TMPRSS11E: variants seen among roughly 807,000 people sequenced by gnomAD.
TMPRSS11E encodes transmembrane protease serine 11E.
TMPRSS11E carries 38 observed loss-of-function variants against 48.1 expected under a neutral mutation model. That is an observed-to-expected ratio of 0.79 (90% confidence interval 0.61 to 1.04). The LOEUF (loss-of-function observed/expected upper bound fraction) is 1.04, where lower values mean the gene tolerates loss of function less well. Ranked by LOEUF, TMPRSS11E falls within the 50% of genes least tolerant of loss-of-function variation. TMPRSS11E has a pLI of 0.00. For synonymous variants in TMPRSS11E, 158 were observed against 171.9 expected (o/e 0.92, Z 0.63); for missense variants, 530 against 510.8 (o/e 1.04, Z -0.36).
intron 6 of TMPRSS11E, 81 bp downstream of exon 6, chr4:68,474,842 T>C: frequency 2.5e-6 from 3 of 1,177,560 alleles, no homozygotes; most frequent in African/African-American, 3.1e-5. Flanking sequence ...TTACTTTGTG[T>C]TGATATCATA....
chr4:68,450,485 T>C (rs1190345152), intron 1 of TMPRSS11E, among the ~76,000 whole-genome samples: 1 of 151,878 alleles, frequency 6.6e-6, no homozygotes, highest in Non-Finnish European at 1.5e-5. Flanking sequence ...CTACCATGTG[T>C]AGGAAGCTAT....
chr4:68,478,834 T>G lies in TMPRSS11E; in HGVS notation c.968-15T>G. Reference sequence around the variant, plus strand: ...TATGTATGTCTACAAATACAAAGACTTTTTTTTCTTTTAGGTTACAGTCAA... The same window carrying G: ...TATGTATGTCTACAAATACAAAGACGTTTTTTTCTTTTAGGTTACAGTCAA... On this transcript the variant is annotated splice_polypyrimidine_tract_variant and intron_variant, in intron 8 of 9. Transcript: ENST00000305363. 6.2e-7 allele frequency: 1 copy of G among 1,607,782 alleles called. No homozygotes were observed. The highest frequency in any genetic ancestry group is 8.5e-7 in the Non-Finnish European group (1 of 1,177,214).
chr4:68,465,882 A>T (rs1259543288), intron 2 of TMPRSS11E, among the ~76,000 whole-genome samples: 1 of 152,188 alleles, frequency 6.6e-6, no homozygotes, highest in African/African-American at 2.4e-5. Flanking sequence ...TGCTTGCTTT[A>T]TGCACTGGAG....
Position 68,491,413 on chromosome 4 carries a change from T to C in TMPRSS11E, c.1111-5230T>C, listed in dbSNP as rs553750665. Among the ~76,000 whole-genome samples the C allele has an allele frequency of 3.3e-5, 5 of 152,142 alleles. No individual in the cohort carries two copies. In the East Asian group the frequency reaches 9.7e-4, roughly 29 times the overall value. On this transcript the variant is annotated intron_variant, in intron 9 of 9. Coordinates refer to ENST00000305363, the MANE Select transcript of TMPRSS11E (RefSeq NM_014058.4). ...CTCTCTAATTTTCAGAGTCTTTTTA[T>C]GTTTGTTTTATTTGTAATGCCCAGG...
At position 68,496,881 on chromosome 4, in the gene TMPRSS11E, T is replaced by C. The variant is rs1729886713; in HGVS notation, c.*77T>C. 1.6e-5 allele frequency: 22 copies of C among 1,416,208 alleles called. No individual in the cohort carries two copies. Among genetic ancestry groups the C allele is most frequent in the Non-Finnish European group, 2.0e-5 (21 of 1,038,826 alleles). The allele number at this position is 1,416,208 out of a possible 1,614,324, so 87.7% of individuals were successfully genotyped here. ...GGAGGCCATTTTTAGAGATACAGAATTGGAGAAGACTTGCAAAACAGCTAG... is the reference window on the plus strand; with the variant it reads ...GGAGGCCATTTTTAGAGATACAGAACTGGAGAAGACTTGCAAAACAGCTAG... On this transcript the variant is annotated 3_prime_UTR_variant, in exon 10 of 10. Transcript: ENST00000305363.
intron 5 of TMPRSS11E, among the ~76,000 whole-genome samples, chr4:68,474,197 G>C (rs566817039): frequency 6.6e-6 from 1 of 152,182 alleles, no homozygotes; most frequent in East Asian, 1.9e-4. Context: ...TTTGAAATTT[G>C]ACTTCAAAAA....
intron 1 of TMPRSS11E, among the ~76,000 whole-genome samples, chr4:68,448,310 A>T (rs895354334): frequency 1.3e-5 from 2 of 151,960 alleles, no homozygotes; most frequent in African/African-American, 4.8e-5. Context: ...TAACATGGAA[A>T]AACAGGTTCT....
At chr4:68,469,862 G>A (rs911445913) in intron 4 of TMPRSS11E, among the ~76,000 whole-genome samples, 7 of 151,830 alleles carry the variant, frequency 4.6e-5, no homozygotes, top group Admixed American at 4.0e-4. Context: ...GAGAAACCTG[G>A]AAGTCATCAA....
intron 9 of TMPRSS11E, among the ~76,000 whole-genome samples, chr4:68,486,693 T>C (rs1301547475): frequency 1.3e-5 from 2 of 152,182 alleles, no homozygotes; most frequent in African/African-American, 4.8e-5. Flanking sequence ...ATATCTTTGT[T>C]AGTTTTCTGC....
At chr4:68,469,435 G>A (rs1729006144) in intron 4 of TMPRSS11E, among the ~76,000 whole-genome samples, 1 of 151,604 alleles carries the variant, frequency 6.6e-6, no homozygotes, top group African/African-American at 2.4e-5. Context: ...TAATGTTAAG[G>A]AAAATATTAT....
At chr4:68,458,298 T>C in intron 1 of TMPRSS11E, among the ~76,000 whole-genome samples, 1 of 152,180 alleles carries the variant, frequency 6.6e-6, no homozygotes, top group East Asian at 1.9e-4. Context: ...TAATAAGCAA[T>C]AATAATAATG....
chr4:68,493,064 A>T (rs1218438875), intron 9 of TMPRSS11E, among the ~76,000 whole-genome samples: 2 of 152,086 alleles, frequency 1.3e-5, no homozygotes, highest in African/African-American at 4.8e-5. Flanking sequence ...TGTCCTTCCT[A>T]AAAATTTCAG....
intron 9 of TMPRSS11E, among the ~76,000 whole-genome samples, chr4:68,495,459 T>C (rs1729839669): frequency 6.6e-6 from 1 of 152,146 alleles, no homozygotes; most frequent in African/African-American, 2.4e-5. Context: ...TCATATGGCA[T>C]ATCTTATTTC....
intron 1 of TMPRSS11E, among the ~76,000 whole-genome samples, chr4:68,455,525 T>A (rs965758436): frequency 1.3e-5 from 2 of 151,938 alleles, no homozygotes; most frequent in Non-Finnish European, 2.9e-5. Flanking sequence ...TTCCATTCTA[T>A]CATGCAAACT....
intron 1 of TMPRSS11E, among the ~76,000 whole-genome samples, chr4:68,460,678 A>G (rs1481707439): frequency 1.3e-5 from 2 of 152,186 alleles, no homozygotes; most frequent in Admixed American, 6.5e-5. Context: ...TAAGAGTATC[A>G]TATTCAAACT....
chr4:68,465,447 T>A (rs931949404), intron 2 of TMPRSS11E, among the ~76,000 whole-genome samples: 1 of 152,226 alleles, frequency 6.6e-6, no homozygotes, highest in Non-Finnish European at 1.5e-5. Flanking sequence ...AGTGGCTTTT[T>A]TTCCTACTCT....
chr4:68,491,263 G>A (rs1560561500), intron 9 of TMPRSS11E, among the ~76,000 whole-genome samples: 2 of 138,082 alleles, frequency 1.4e-5, no homozygotes, highest in Non-Finnish European at 3.0e-5. Context: ...CAGGTTGCCA[G>A]GTTGCTGGCT....
intron 9 of TMPRSS11E, among the ~76,000 whole-genome samples, chr4:68,494,758 C>T (rs1023652895): frequency 7.2e-5 from 11 of 152,096 alleles, no homozygotes; most frequent in South Asian, 4.1e-4. Flanking sequence ...GCAGGCAAAA[C>T]GCCCAAAGTC....
chr4:68,466,551 C>G, intron 2 of TMPRSS11E, 80 bp from the exon 3 acceptor site: 1 of 1,497,218 alleles, frequency 6.7e-7, no homozygotes, highest in South Asian at 1.2e-5. Context: ...AGTCTTCCAG[C>G]AACCACCAAG....
Sources: allele counts gnomAD v4.1 joint callset (sites outside exome capture counted in the v4.1 genomes callset), GRCh38; gene constraint gnomAD v4.1.1; transcripts MANE v1.5; gene names NCBI Gene and HGNC (gene_info 2026-07-23, HGNC 2026-07-21).